Variants in FBXL13 observed in about 807,000 individuals in gnomAD.
FBXL13 encodes F-box and leucine-rich repeat protein 13.
FBXL13 carries 67 observed loss-of-function variants against 83.6 expected under a neutral mutation model. The observed-to-expected ratio is 0.80, with a 90% CI of 0.66 to 0.98. The LOEUF (loss-of-function observed/expected upper bound fraction) is 0.98, where lower values mean the gene tolerates loss of function less well. Ranked by LOEUF, FBXL13 falls within the 50% of genes least tolerant of loss-of-function variation. The pLI, the probability that FBXL13 is intolerant of heterozygous loss-of-function variation, is 0.00. For synonymous variants in FBXL13, 272 were observed against 299.5 expected (o/e 0.91, Z 0.95); for missense variants, 822 against 866.5 (o/e 0.95, Z 0.64).
chr7:103,004,088 C>T (rs984646554), intron 6 of FBXL13, among the ~76,000 whole-genome samples: 1 of 152,192 alleles, frequency 6.6e-6, no homozygotes, highest in African/African-American at 2.4e-5. Flanking sequence ...GAAGATCATG[C>T]TTCCCTGTTT....
chr7:102,867,695 A>ATTTTTT lies in FBXL13; in HGVS notation c.1635+9766_1635+9771dup, dbSNP rs1205859622. Among the ~76,000 whole-genome samples, 29 of 49,060 alleles carry ATTTTTT rather than the reference A, an allele frequency of 5.9e-4. 3 individuals carry two copies. Among genetic ancestry groups the ATTTTTT allele is most frequent in the African/African-American group, 2.5e-3 (20 of 8,152 alleles). 32.2% of individuals were successfully genotyped at this position (49,060 alleles called of 152,430 possible). On this transcript the variant is annotated intron_variant, in intron 16 of 19. Transcript: ENST00000313221. ...TATATATATATATATATATATATATATTTTTTTTTTTTTTTTTTTTTTTTT... is the reference window on the plus strand; with the variant it reads ...TATATATATATATATATATATATATATTTTTTTTTTTTTTTTTTTTTTTTTTTTTTT...
chr7:103,070,531 T>C (rs1336004658), intron 1 of FBXL13, among the ~76,000 whole-genome samples: 2 of 152,174 alleles, frequency 1.3e-5, no homozygotes, highest in East Asian at 3.8e-4. Flanking sequence ...ATAACAACCA[T>C]CAACATGTGT....
At chr7:102,925,197 C>T (rs1195667736) in intron 10 of FBXL13, among the ~76,000 whole-genome samples, 1 of 152,064 alleles carries the variant, frequency 6.6e-6, no homozygotes, top group Admixed American at 6.5e-5. Flanking sequence ...AGTTTCAGAC[C>T]AGCCTGGGCA....
chr7:102,884,419 TTAACCA>T, intron 11 of FBXL13, 107 bp from the exon 13 acceptor site: 1 of 795,904 alleles, frequency 1.3e-6, no homozygotes, highest in Non-Finnish European at 2.1e-6. Flanking sequence ...TGTTTTAAAA[TTAACCA>T]TAAAATGTGG....
At chr7:103,010,793 C>T (rs1409558810) in intron 6 of FBXL13, among the ~76,000 whole-genome samples, 4 of 152,122 alleles carry the variant, frequency 2.6e-5, no homozygotes, top group Non-Finnish European at 5.9e-5. Flanking sequence ...TCCCAGGAAG[C>T]ACACAGACAG....
At chr7:102,882,757 G>A (rs976359321) in intron 14 of FBXL13, among the ~76,000 whole-genome samples, 7 of 142,866 alleles carry the variant, frequency 4.9e-5, no homozygotes, top group African/African-American at 1.9e-4. Context: ...GCGAGACTCT[G>A]TCTCAAAAAC....
chr7:102,944,462 G>A (rs1478823142), intron 8 of FBXL13: 1 of 1,613,970 alleles, frequency 6.2e-7, no homozygotes, highest in Non-Finnish European at 8.5e-7. Context: ...AAATATATTA[G>A]AAGTTACTAT....
At chr7:102,841,597 A>G (rs1449007441) in intron 17 of FBXL13, among the ~76,000 whole-genome samples, 1 of 152,234 alleles carries the variant, frequency 6.6e-6, no homozygotes, top group Admixed American at 6.5e-5. Flanking sequence ...GGAAACTGAC[A>G]AACTGTCAAA....
At chr7:102,917,034 C>T (rs1237744894) in intron 10 of FBXL13, among the ~76,000 whole-genome samples, 1 of 151,926 alleles carries the variant, frequency 6.6e-6, no homozygotes, top group Non-Finnish European at 1.5e-5. Flanking sequence ...AAAAAATCAC[C>T]AAGACAAGGC....
chr7:102,818,411 G>A (rs1045310989), intron 19 of FBXL13, among the ~76,000 whole-genome samples: 2 of 152,184 alleles, frequency 1.3e-5, no homozygotes, highest in African/African-American at 4.8e-5. Flanking sequence ...AAGTGTATTT[G>A]TGAGGCAATA....
In FBXL13 at chr7:102,983,421, C is replaced by CTTTT. The variant is rs151066223; in HGVS notation, c.496-15305_496-15304insAAAA. Among the ~76,000 whole-genome samples, 671 of 145,456 alleles carry CTTTT rather than the reference C, an allele frequency of 4.6e-3. 22 individuals carry two copies. Among genetic ancestry groups the CTTTT allele is most frequent in the African/African-American group, 8.7e-3 (338 of 38,728 alleles). The stretch of plus-strand genomic sequence containing the variant: ...AACCCATTCTGGTTTTCTTTTTTCC[C>CTTTT]CTTTTTTTTTTTTTTTTGAGTGGGG... On this transcript the variant is annotated intron_variant, in intron 6 of 19. Coordinates refer to ENST00000313221, the Ensembl canonical transcript of FBXL13.
chr7:103,000,830 T>C (rs1323900765), intron 6 of FBXL13, among the ~76,000 whole-genome samples: 1 of 152,268 alleles, frequency 6.6e-6, no homozygotes, highest in Non-Finnish European at 1.5e-5. Flanking sequence ...CCTATATCAT[T>C]ATACAGTGAC....
At chr7:102,881,342 C>A (rs1215000217) in intron 14 of FBXL13, among the ~76,000 whole-genome samples, 4 of 143,964 alleles carry the variant, frequency 2.8e-5, no homozygotes, top group African/African-American at 1.0e-4. Context: ...GAGGCTGGGG[C>A]AGGAGAATCA....
intron 6 of FBXL13, among the ~76,000 whole-genome samples, chr7:102,969,695 G>A (rs2129481371): frequency 6.6e-6 from 1 of 151,770 alleles, no homozygotes; most frequent in East Asian, 1.9e-4. Context: ...CTACTCGGGA[G>A]GCTGAGGCAG....
chr7:102,936,582 G>A (rs1820358770), intron 8 of FBXL13, among the ~76,000 whole-genome samples: 1 of 152,164 alleles, frequency 6.6e-6, no homozygotes, highest in Admixed American at 6.5e-5. Context: ...AATTTCCTTT[G>A]TGGTGCTTAG....
chr7:102,924,070 C>G (rs1817595211), intron 10 of FBXL13, among the ~76,000 whole-genome samples: 1 of 151,840 alleles, frequency 6.6e-6, no homozygotes, highest in African/African-American at 2.4e-5. Flanking sequence ...AGAAACCCCT[C>G]TCTACTAAAA....
intron 18 of FBXL13, among the ~76,000 whole-genome samples, chr7:102,824,684 C>A (rs1393259221): frequency 2.0e-5 from 3 of 151,916 alleles, no homozygotes. Flanking sequence ...CAGGGTTTTA[C>A]CATGTTGGTC....
In FBXL13 at chr7:102,898,492, C is replaced by G. The variant is rs541287144; in HGVS notation, c.1009-14180G>C. Among the ~76,000 whole-genome samples the G allele has an allele frequency of 7.9e-5, 12 of 152,208 alleles. No individual in the cohort carries two copies. The East Asian group carries it at 2.3e-3, about 29-fold the overall frequency. ...ATTATTTGTAGAGACAGGGTCTCCC[C>G]TATGTTGCTCAGGCTGGTCTTGGAC... is the stretch of plus-strand genomic sequence containing the variant. On this transcript the variant is annotated intron_variant, in intron 11 of 19. Transcript: ENST00000313221.
In FBXL13 at chr7:103,029,789, T is replaced by C. The variant is rs946170132; in HGVS notation, c.1-371A>G. 6.1e-4 allele frequency among the ~76,000 whole-genome samples: 5 copies of C among 8,246 alleles called. No homozygotes were observed. In the South Asian group the frequency reaches 0.25, roughly 412 times the overall value. The allele number at this position is 8,246 out of a possible 152,430, so 5.4% of individuals were successfully genotyped here. A position where few individuals can be genotyped will look rare whatever the true frequency, so the allele number is the denominator to read the frequency against. On this transcript the variant is annotated intron_variant, in intron 2 of 19. Coordinates refer to ENST00000313221, the Ensembl canonical transcript of FBXL13. The stretch of plus-strand genomic sequence containing the variant: ...CTGAATCATTCTGAATCAAACAGAA[T>C]GATTTTTTTCAAGGATATAAACTGA...
Sources: gnomAD v4.1 joint callset for allele counts (sites outside exome capture counted in the v4.1 genomes callset) on GRCh38, gnomAD v4.1.1 for gene constraint, MANE v1.5 for transcripts, NCBI Gene and HGNC (gene_info 2026-07-23, HGNC 2026-07-21) for gene names.